The following TAF5L variants were observed in gnomAD, a reference collection of about 807,000 sequenced individuals.
TAF5L encodes TAF5-like RNA polymerase II p300/CBP-associated factor-associated factor 65 kDa subunit 5L.
A neutral mutation model predicts 51.3 loss-of-function variants in TAF5L; 7 were observed. The observed-to-expected ratio is 0.14, with a 90% confidence interval of 0.08 to 0.26. The LOEUF is 0.26. Ranked by LOEUF, TAF5L falls within the 10% of genes least tolerant of loss-of-function variation. TAF5L has a pLI of 1.00. For synonymous variants in TAF5L, 291 were observed against 308.1 expected, an observed-to-expected ratio of 0.94 and a Z score of 0.58; for missense variants, 575 against 758.9, an observed-to-expected ratio of 0.76 and a Z score of 2.85.
chr1:229,622,103 G>GTGTA (rs1558156112), intron 1 of TAF5L, among the ~76,000 whole-genome samples: 1 of 151,898 alleles, frequency 6.6e-6, no homozygotes, highest in Non-Finnish European at 1.5e-5. Context: ...AGATATGTGT[G>GTGTA]TGTATATATA....
intron 3 of TAF5L, among the ~76,000 whole-genome samples, chr1:229,604,562 T>A (rs1181160509): frequency 6.6e-6 from 1 of 151,892 alleles, no homozygotes; most frequent in African/African-American, 2.4e-5. Flanking sequence ...TAAGGAGGAG[T>A]ATGTCTGGCT....
At chr1:229,598,334 A>C (rs2102738669) in intron 4 of TAF5L, among the ~76,000 whole-genome samples, 1 of 152,346 alleles carries the variant, frequency 6.6e-6, no homozygotes, top group South Asian at 2.1e-4. Context: ...TACTAGAAAA[A>C]TTTAAATTAC....
chr1:229,613,184 T>G (rs1419070301), intron 2 of TAF5L, among the ~76,000 whole-genome samples: 1 of 130,576 alleles, frequency 7.7e-6, no homozygotes. Context: ...AAAAAAAAAA[T>G]TAGCCAGGTG....
intron 1 of TAF5L, among the ~76,000 whole-genome samples, chr1:229,622,005 T>C (rs1288154046): frequency 6.6e-6 from 1 of 151,234 alleles, no homozygotes; most frequent in Non-Finnish European, 1.5e-5. Context: ...CAGAACTTCT[T>C]TTCATTCATC....
chr1:229,593,453 AATT>A (rs1482897478), exon 5 of TAF5L: 2 of 152,074 alleles, frequency 1.3e-5, no homozygotes, highest in African/African-American at 4.8e-5. Flanking sequence ...GAGGGGAGAG[AATT>A]ATTAAGAGAA....
rs1054714052 is a variant in TAF5L, at chr1:229,602,976, A to T, written c.248-57T>A. ...CAGCATAATCTTACAGAATAACGTG[A>T]TCCCTCCTGGGGATCACCACCATCA... On this transcript the variant is annotated intron_variant, in intron 3 of 4. Coordinates refer to ENST00000258281, the Ensembl canonical transcript of TAF5L. The surrounding 1 kb of genome is among the most constrained non-coding windows in gnomAD (Gnocchi z 4.6). 6.6e-7 allele frequency: 1 copy of T among 1,515,518 alleles called. No individual in the cohort carries two copies. The highest frequency in any genetic ancestry group is 1.4e-5 in the African/African-American group (1 of 72,174). The allele number at this position is 1,515,518 out of a possible 1,614,324, so 93.9% of individuals were successfully genotyped here.
intron 4 of TAF5L, chr1:229,601,583 G>C: frequency 2.0e-6 from 2 of 985,972 alleles, no homozygotes; most frequent in Non-Finnish European, 2.4e-6. Flanking sequence ...ACTGACGGGG[G>C]GAGGGGAGCT....
At position 229,593,752 on chromosome 1, in the gene TAF5L, AATT is replaced by A. The variant is rs1664007064; in HGVS notation, c.*542_*544del. The A allele has an allele frequency of 4.6e-5, 7 of 151,264 alleles. No homozygotes were observed. The South Asian group carries it at 1.5e-3, about 32-fold the overall frequency. 9.4% of individuals were successfully genotyped at this position (151,264 alleles called of 1,614,324 possible). Reference sequence around the variant, plus strand: ...GTTTCCTCATGTCAATAATAATAATAATTATAATTATAATAACAATAATTAAAA... The same window carrying A: ...GTTTCCTCATGTCAATAATAATAATAATAATTATAATAACAATAATTAAAA... On this transcript the variant is annotated 3_prime_UTR_variant, in exon 5 of 5. Coordinates refer to ENST00000258281, the Ensembl canonical transcript of TAF5L.
intron 3 of TAF5L, among the ~76,000 whole-genome samples, chr1:229,605,624 A>T (rs1226690249): frequency 1.5e-5 from 2 of 129,640 alleles, no homozygotes; most frequent in South Asian, 2.5e-4. Context: ...TTTTTTTTTT[A>T]GATGAGATTA....
exon 2 of TAF5L, chr1:229,614,379 A>G: frequency 1.2e-6 from 2 of 1,614,228 alleles, no homozygotes; most frequent in Non-Finnish European, 8.5e-7. Context: ...AGTCTGTGAC[A>G]GCCGCAGTCC....
chr1:229,611,272 T>G (rs1234313077), intron 2 of TAF5L, among the ~76,000 whole-genome samples: 1 of 152,174 alleles, frequency 6.6e-6, no homozygotes, highest in African/African-American at 2.4e-5. Flanking sequence ...TGTGAGTTTA[T>G]GCTTTCTAAA....
chr1:229,609,223 C>T (rs1296640721), intron 3 of TAF5L, among the ~76,000 whole-genome samples: 4 of 152,162 alleles, frequency 2.6e-5, no homozygotes, highest in African/African-American at 9.7e-5. Context: ...TATTCTGACT[C>T]ATGACAGTGA....
chr1:229,600,517 A>G, intron 4 of TAF5L: 1 of 985,426 alleles, frequency 1.0e-6, no homozygotes, highest in Non-Finnish European at 1.2e-6. Flanking sequence ...TATCCCCTAC[A>G]GTAATTGAAT....
chr1:229,624,522 AAAG>A (rs1665351632), intron 1 of TAF5L, among the ~76,000 whole-genome samples: 1 of 152,156 alleles, frequency 6.6e-6, no homozygotes. Context: ...GTACCTTTAA[AAAG>A]GTCGTTTTTT....
chr1:229,612,446 C>CT (rs78246391), intron 2 of TAF5L, among the ~76,000 whole-genome samples: 39,556 of 152,092 alleles, frequency 0.26, 5,726 homozygotes, highest in South Asian at 0.41. Context: ...AGGAATTACT[C>CT]TACAATGGGA....
At chr1:229,598,706 T>C (rs12730622) in intron 4 of TAF5L, among the ~76,000 whole-genome samples, 3 of 146,322 alleles carry the variant, frequency 2.1e-5, no homozygotes, top group African/African-American at 7.5e-5. Flanking sequence ...TTTTTTTTTT[T>C]CTTTTTTTTT....
Position 229,601,270 on chromosome 1 carries a change from G to A in TAF5L, c.972+925C>T, listed in dbSNP as rs986549343. The A allele has an allele frequency of 4.4e-5, 43 of 985,194 alleles. No homozygotes were observed. The Admixed American group carries it at 1.2e-3, about 28-fold the overall frequency. The allele number at this position is 985,194 out of a possible 1,614,324, so 61.0% of individuals were successfully genotyped here. ...ATTCTTGACATCCTTATCATTAACT[G>A]TAATTTAATTAGAGTGATTTTTTTG... On this transcript the variant is annotated intron_variant, in intron 4 of 4. Coordinates refer to ENST00000258281, the Ensembl canonical transcript of TAF5L.
chr1:229,606,172 CTT>C (rs1354776247), intron 3 of TAF5L: 32 of 985,274 alleles, frequency 3.2e-5, no homozygotes, highest in Admixed American at 1.2e-4. Flanking sequence ...ATTGCTCTCT[CTT>C]GTCTGAAGAG....
exon 3 of TAF5L, chr1:229,610,160 C>A: frequency 6.2e-7 from 1 of 1,614,146 alleles, no homozygotes; most frequent in Non-Finnish European, 8.5e-7. Flanking sequence ...TGGGGTTCTG[C>A]CTGGCAAGGG....
Sources: allele counts gnomAD v4.1 joint callset (sites outside exome capture counted in the v4.1 genomes callset), GRCh38; gene constraint gnomAD v4.1.1; non-coding constraint Gnocchi (gnomAD v3.1); transcripts MANE v1.5; gene names NCBI Gene and HGNC (gene_info 2026-07-23, HGNC 2026-07-21).